CFAP47: variants seen among roughly 807,000 people sequenced by gnomAD.
CFAP47 encodes the protein cilia- and flagella-associated protein 47.
A neutral mutation model predicts 148.1 loss-of-function variants in CFAP47; 29 were observed. The ratio of observed to expected loss-of-function variants is 0.20; its 90% CI spans 0.15 to 0.27. The LOEUF is 0.27. CFAP47 is among the 10% of genes least tolerant of loss of function. CFAP47 has a pLI of 1.00. For synonymous variants in CFAP47, 664 were observed against 577.3 expected, an observed-to-expected ratio of 1.15 and a Z score of -2.15; for missense variants, 1,872 against 1,697.5, an observed-to-expected ratio of 1.10 and a Z score of -1.81.
At chrX:36,262,555 T>G (rs1940841978) in intron 49 of CFAP47, among the ~76,000 whole-genome samples, 1 of 112,427 alleles carries the variant, frequency 8.9e-6, no homozygotes, top group Non-Finnish European at 1.9e-5. Flanking sequence ...TCTCATTCTT[T>G]TTTATGGCTA....
chrX:36,246,635 C>G lies in CFAP47; in HGVS notation c.7333-4698C>G, dbSNP rs182288276. Among the ~76,000 whole-genome samples the G allele has an allele frequency of 4.5e-5, 5 of 111,576 alleles. No homozygotes were observed. The East Asian group carries it at 1.4e-3, about 32-fold the overall frequency. Reference sequence around the variant, plus strand: ...CACCCTCGTGATCCAGTTATCTCCACCTGGTCCCGGTTTTGATACGTGGGG... The same window carrying G: ...CACCCTCGTGATCCAGTTATCTCCAGCTGGTCCCGGTTTTGATACGTGGGG... On this transcript the variant is annotated intron_variant, in intron 48 of 63. Coordinates refer to ENST00000378653, the MANE Select transcript of CFAP47 (RefSeq NM_001304548.2).
chrX:35,936,185 C>G (rs761870187), intron 2 of CFAP47, among the ~76,000 whole-genome samples: 40 of 111,679 alleles, frequency 3.6e-4, no homozygotes, highest in Non-Finnish European at 6.4e-4. Context: ...GCCTCTGAGA[C>G]TTTGCTCATT....
At chrX:35,930,332 T>C (rs1935808223) in intron 2 of CFAP47, among the ~76,000 whole-genome samples, 1 of 111,220 alleles carries the variant, frequency 9.0e-6, no homozygotes, top group Non-Finnish European at 1.9e-5. Flanking sequence ...TGGAATTTGA[T>C]TTGCTCATGT....
Position 36,204,707 on chromosome X carries a change from G to T in CFAP47, c.6664-250G>T, listed in dbSNP as rs188580306. Among the ~76,000 whole-genome samples, 11 of 111,576 alleles carry T rather than the reference G, an allele frequency of 9.9e-5. No homozygotes were observed. In the Admixed American group the frequency reaches 1.0e-3, roughly 11 times the overall value. On this transcript the variant is annotated intron_variant, in intron 44 of 63. Transcript: ENST00000378653. ...TGGAATAGTTTCCTCTTAAGGCAAG[G>T]CATTTCTCAACACTGAAAGCATTAG...
At chrX:36,178,346 T>C (rs1030016086) in intron 39 of CFAP47, among the ~76,000 whole-genome samples, 1 of 110,502 alleles carries the variant, frequency 9.0e-6, no homozygotes, top group African/African-American at 3.3e-5. Context: ...AAGTTGAAAG[T>C]TTTAAAAATA....
Position 35,945,686 on chromosome X carries a change from CT to C in CFAP47, c.518-2621del, listed in dbSNP as rs769871386. On this transcript the variant is annotated intron_variant, in intron 3 of 63. Transcript: ENST00000378653. ...TACTACTTTTCTCTGCCCAATGCCA[CT>C]TTTTTTACAAAAAGCCATTATCTTC... is the stretch of plus-strand genomic sequence containing the variant. Among the ~76,000 whole-genome samples, 5 of 110,912 alleles carry C rather than the reference CT, an allele frequency of 4.5e-5. No homozygotes were observed. The East Asian group carries it at 8.4e-4, about 19-fold the overall frequency.
intron 56 of CFAP47, among the ~76,000 whole-genome samples, chrX:36,315,201 A>G (rs1434437951): frequency 1.8e-5 from 2 of 112,248 alleles, no homozygotes; most frequent in Non-Finnish European, 3.8e-5. Context: ...TGTTATATCC[A>G]TCTTAAAATA....
intron 33 of CFAP47, among the ~76,000 whole-genome samples, chrX:36,116,160 A>G (rs1461716495): frequency 2.7e-5 from 3 of 111,823 alleles, no homozygotes; most frequent in African/African-American, 9.7e-5. Context: ...TGTGCTTATT[A>G]CCCAAATAGT....
At chrX:36,233,604 G>T (rs1940404449) in intron 46 of CFAP47, among the ~76,000 whole-genome samples, 1 of 111,674 alleles carries the variant, frequency 9.0e-6, no homozygotes, top group East Asian at 2.8e-4. Flanking sequence ...GGAGCATTTA[G>T]TCCATTTACA....
chrX:36,321,235 C>T (rs1190736045), intron 57 of CFAP47, among the ~76,000 whole-genome samples: 2 of 111,517 alleles, frequency 1.8e-5, no homozygotes, highest in African/African-American at 3.3e-5. Flanking sequence ...TTTGCAACAA[C>T]GTGGATAGAA....
intron 39 of CFAP47, among the ~76,000 whole-genome samples, chrX:36,175,335 C>T (rs1939656992): frequency 1.8e-5 from 2 of 112,412 alleles, no homozygotes; most frequent in South Asian, 3.7e-4. Context: ...TGTTCCGTTG[C>T]TGTTGAGGAA....
intron 2 of CFAP47, among the ~76,000 whole-genome samples, chrX:35,940,717 C>A (rs924602002): frequency 9.0e-5 from 10 of 111,208 alleles, no homozygotes; most frequent in African/African-American, 3.3e-4. Flanking sequence ...ATTCTTAAGA[C>A]CTTTTCCTAT....
chrX:36,310,147 G>A (rs782464775), intron 55 of CFAP47, among the ~76,000 whole-genome samples: 1 of 110,917 alleles, frequency 9.0e-6, no homozygotes, highest in Admixed American at 9.7e-5. Flanking sequence ...AGAAGTTTAA[G>A]AGACCCTGGA....
chrX:36,259,851 A>T (rs1333489464), intron 49 of CFAP47, among the ~76,000 whole-genome samples: 1 of 111,319 alleles, frequency 9.0e-6, no homozygotes, highest in Admixed American at 9.6e-5. Flanking sequence ...CCTTCCAACC[A>T]ATGCCCTTCT....
Position 35,980,122 on chromosome X carries a change from T to A in CFAP47, c.2713+4209T>A, listed in dbSNP as rs1331089243. 2.7e-5 allele frequency among the ~76,000 whole-genome samples: 3 copies of A among 112,091 alleles called. No individual in the cohort carries two copies. The South Asian group carries it at 1.1e-3, about 42-fold the overall frequency. On this transcript the variant is annotated intron_variant, in intron 15 of 63. Coordinates refer to ENST00000378653, the MANE Select transcript of CFAP47 (RefSeq NM_001304548.2). Reference sequence around the variant, plus strand: ...AAGTGATGTCTCCAGTAAGGAAGGATTTACATCCCAACATCAGGCAAACAG... The same window carrying A: ...AAGTGATGTCTCCAGTAAGGAAGGAATTACATCCCAACATCAGGCAAACAG...
At chrX:35,979,555 A>G (rs1179820642) in intron 15 of CFAP47, among the ~76,000 whole-genome samples, 2 of 110,019 alleles carry the variant, frequency 1.8e-5, no homozygotes, top group African/African-American at 3.3e-5. Context: ...TATTTTTTCA[A>G]TCCTCATAAA....
intron 15 of CFAP47, among the ~76,000 whole-genome samples, chrX:35,979,312 A>G (rs928710599): frequency 9.1e-6 from 1 of 110,332 alleles, no homozygotes; most frequent in African/African-American, 3.3e-5. Context: ...GACAGAATTC[A>G]ATTCTAATTT....
intron 33 of CFAP47, among the ~76,000 whole-genome samples, chrX:36,134,514 A>G (rs913336590): frequency 1.8e-5 from 2 of 111,213 alleles, no homozygotes; most frequent in African/African-American, 6.5e-5. Flanking sequence ...ACAAAAGTGC[A>G]AAAGCAATTA....
chrX:35,957,679 C>CA (rs1373507240), intron 8 of CFAP47, among the ~76,000 whole-genome samples: 1 of 111,979 alleles, frequency 8.9e-6, no homozygotes, highest in East Asian at 2.8e-4. Context: ...ATGCATCTTT[C>CA]AAAACATATC....
Sources: gnomAD v4.1 joint callset for allele counts (sites outside exome capture counted in the v4.1 genomes callset) on GRCh38, gnomAD v4.1.1 for gene constraint, MANE v1.5 for transcripts, NCBI Gene and HGNC (gene_info 2026-07-23, HGNC 2026-07-21) for gene names.